MYO1D: variants seen among roughly 807,000 people sequenced by gnomAD.
The protein encoded by MYO1D is myosin ID.
MYO1D carries 83 observed loss-of-function variants against 122.0 expected under a neutral mutation model. The observed-to-expected ratio is 0.68, with a 90% CI of 0.57 to 0.82. The LOEUF (loss-of-function observed/expected upper bound fraction) is 0.82. Among genes scored for constraint, MYO1D ranks in the 40% least tolerant of loss-of-function variants. MYO1D has a pLI of 0.00. For missense variants in MYO1D, 1,157 were observed against 1,269.5 expected, an observed-to-expected ratio of 0.91 and a Z score of 1.35; for synonymous variants, 464 against 446.9, an observed-to-expected ratio of 1.04 and a Z score of -0.48.
At chr17:32,635,665 T>G (rs746252304) in intron 20 of MYO1D, among the ~76,000 whole-genome samples, 1 of 151,662 alleles carries the variant, frequency 6.6e-6, no homozygotes, top group African/African-American at 2.4e-5. Context: ...TGCACTCCAG[T>G]CTGGGTGACA....
intron 21 of MYO1D, among the ~76,000 whole-genome samples, chr17:32,540,526 C>T (rs1291554874): frequency 6.6e-6 from 1 of 151,836 alleles, no homozygotes; most frequent in African/African-American, 2.4e-5. Context: ...TACAAATAGC[C>T]AATAAGCACA....
At chr17:32,809,852 A>C (rs1010820779) in intron 1 of MYO1D, among the ~76,000 whole-genome samples, 9 of 152,232 alleles carry the variant, frequency 5.9e-5, no homozygotes, top group Non-Finnish European at 7.3e-5. Flanking sequence ...AAGGGGTCCA[A>C]CTATAATTGT....
chr17:32,495,279 CG>C, intron 21 of MYO1D, among the ~76,000 whole-genome samples: 1 of 152,340 alleles, frequency 6.6e-6, no homozygotes, highest in Non-Finnish European at 1.5e-5. Context: ...ATCCATCCTG[CG>C]GGAGACCCGT....
chr17:32,760,650 A>T (rs779224569), intron 8 of MYO1D, 23 bp from the exon 9 acceptor site: 18 of 1,584,776 alleles, frequency 1.1e-5, no homozygotes, highest in Non-Finnish European at 1.5e-5. Context: ...TAGCATCATA[A>T]ATGCTTGCCA....
At chr17:32,654,693 T>C in intron 17 of MYO1D, 72 bp from the exon 18 acceptor site, 1 of 1,413,330 alleles carries the variant, frequency 7.1e-7, no homozygotes, top group Non-Finnish European at 9.3e-7. Flanking sequence ...TCTTTTTTTT[T>C]TTCTTTTTTG....
chr17:32,772,826 T>G lies in MYO1D; in HGVS notation c.581A>C (p.Gln194Pro), dbSNP rs531057868. 4.2e-5 allele frequency: 67 copies of G among 1,613,572 alleles called. No individual in the cohort carries two copies. The South Asian group carries it at 7.0e-4, about 17-fold the overall frequency. The change falls in exon 5 of 22, where the codon CAA becomes CCA. Residue 194 changes from glutamine to proline, a missense_variant. Gln to Pro is a moderately conservative substitution (Grantham distance 76). Coordinates refer to ENST00000318217, the MANE Select transcript of MYO1D (RefSeq NM_015194.3). ...YLLEKSRVIV[Q>P]QPGERSFHSF... ...ATGAAAGCTTCTTTCTCCTGGCTGTTGCACAATCACTCGAGACTAAGAAAA... is the reference window on the plus strand; with the variant it reads ...ATGAAAGCTTCTTTCTCCTGGCTGTGGCACAATCACTCGAGACTAAGAAAA...
chr17:32,755,373 C>T, intron 11 of MYO1D, 119 bp downstream of exon 11: 6 of 1,091,862 alleles, frequency 5.5e-6, no homozygotes, highest in Non-Finnish European at 7.8e-6. Context: ...ATGTTTATGA[C>T]TTTTCTTTCT....
intron 20 of MYO1D, among the ~76,000 whole-genome samples, chr17:32,623,581 A>G (rs2087880995): frequency 6.6e-6 from 1 of 152,256 alleles, no homozygotes; most frequent in Non-Finnish European, 1.5e-5. Flanking sequence ...GTCCTCAAAC[A>G]TTAAACCATG....
chr17:32,803,026 G>C (rs2090473402), intron 1 of MYO1D, among the ~76,000 whole-genome samples: 1 of 152,210 alleles, frequency 6.6e-6, no homozygotes, highest in African/African-American at 2.4e-5. Context: ...AAAGAAGTCA[G>C]TCAAACAGGG....
chr17:32,540,918 C>T (rs1158950136), intron 21 of MYO1D, among the ~76,000 whole-genome samples: 1 of 114,548 alleles, frequency 8.7e-6, no homozygotes, highest in East Asian at 2.2e-4. Flanking sequence ...AGAGTGACTT[C>T]GTCTCAAAAA....
In MYO1D at chr17:32,495,185, C is replaced by T. The variant is rs546813299; in HGVS notation, c.2865-270G>A. Among the ~76,000 whole-genome samples the T allele has an allele frequency of 5.2e-4, 79 of 152,286 alleles. 4 individuals carry two copies. The highest frequency in any genetic ancestry group is 5.1e-3 in the Admixed American group (78 of 15,308). ...GTGGAGGGCCATGTGGTTGAACAGACGCCACCAGGTCTCTGGCTGGGGCTG... is the reference window on the plus strand; with the variant it reads ...GTGGAGGGCCATGTGGTTGAACAGATGCCACCAGGTCTCTGGCTGGGGCTG... On this transcript the variant is annotated intron_variant, in intron 21 of 21. Coordinates refer to ENST00000318217, the MANE Select transcript of MYO1D (RefSeq NM_015194.3).
At chr17:32,841,992 G>A (rs762447271) in intron 1 of MYO1D, among the ~76,000 whole-genome samples, 3 of 152,118 alleles carry the variant, frequency 2.0e-5, no homozygotes, top group Admixed American at 6.5e-5. Context: ...CAGAAGTAAC[G>A]TCCATAAATT....
In MYO1D at chr17:32,876,947, A is replaced by G. The variant is rs1345313497; in HGVS notation, c.-75T>C. The stretch of plus-strand genomic sequence containing the variant: ...TCCGTGGGCCCGCGATGAGCTCGGG[A>G]GGGGCCGGGGCGAGGCCGCGCCGCG... On this transcript the variant is annotated 5_prime_UTR_variant, in exon 1 of 22. Coordinates refer to ENST00000318217, the MANE Select transcript of MYO1D (RefSeq NM_015194.3). 18 of 922,866 alleles carry G rather than the reference A, an allele frequency of 2.0e-5. No individual in the cohort carries two copies. The South Asian group carries it at 2.2e-4, about 11-fold the overall frequency. 57.2% of individuals were successfully genotyped at this position (922,866 alleles called of 1,614,324 possible).
At chr17:32,772,662 A>G (rs915114791) in intron 5 of MYO1D, 127 bp downstream of exon 5, 14 of 765,928 alleles carry the variant, frequency 1.8e-5, no homozygotes, top group Non-Finnish European at 3.0e-5. Flanking sequence ...GCGTGCGTGC[A>G]TGCGTGACAT....
intron 21 of MYO1D, chr17:32,498,262 G>C (rs1909191733): frequency 6.6e-6 from 1 of 152,334 alleles, no homozygotes; most frequent in African/African-American, 2.4e-5. Flanking sequence ...GACACTTCAG[G>C]AAAGAAAAGG....
intron 13 of MYO1D, among the ~76,000 whole-genome samples, chr17:32,739,389 A>G (rs2089747511): frequency 6.6e-6 from 1 of 151,546 alleles, no homozygotes; most frequent in African/African-American, 2.4e-5. Context: ...AAACTATCGC[A>G]AGGACAAAAA....
chr17:32,707,843 G>C (rs1422340698), intron 16 of MYO1D, among the ~76,000 whole-genome samples: 1 of 152,178 alleles, frequency 6.6e-6, no homozygotes, highest in Non-Finnish European at 1.5e-5. Flanking sequence ...AAAAACTTTT[G>C]AGTACTGAGT....
chr17:32,556,253 A>T (rs1007271912), intron 21 of MYO1D, among the ~76,000 whole-genome samples: 21 of 152,170 alleles, frequency 1.4e-4, no homozygotes, highest in Non-Finnish European at 1.0e-4. Flanking sequence ...TCTCTTACCT[A>T]TATTTTTCTA....
intron 3 of MYO1D, among the ~76,000 whole-genome samples, chr17:32,777,280 A>G (rs1049632098): frequency 1.3e-5 from 2 of 152,216 alleles, no homozygotes; most frequent in African/African-American, 4.8e-5. Flanking sequence ...AATATGATGA[A>G]AAGAAGAAAG....
Sources: allele counts gnomAD v4.1 joint callset (sites outside exome capture counted in the v4.1 genomes callset), GRCh38; gene constraint gnomAD v4.1.1; transcripts MANE v1.5; gene names NCBI Gene and HGNC (gene_info 2026-07-23, HGNC 2026-07-21).